PCDHGB3: variants seen among roughly 807,000 people sequenced by gnomAD.
The protein encoded by PCDHGB3 is protocadherin gamma-B3.
PCDHGB3 carries 40 observed loss-of-function variants against 59.2 expected under a neutral mutation model. The observed-to-expected ratio is 0.68, with a 90% CI of 0.52 to 0.88. The LOEUF (loss-of-function observed/expected upper bound fraction) is 0.88. PCDHGB3 is among the 40% of genes least tolerant of loss of function. PCDHGB3 has a pLI of 0.00. For missense variants in PCDHGB3, 1,309 were observed against 1,187.9 expected, an observed-to-expected ratio of 1.10 and a Z score of -1.50; for synonymous variants, 581 against 503.6, an observed-to-expected ratio of 1.15 and a Z score of -2.06.
chr5:141,432,271 C>T lies in PCDHGB3; in HGVS notation c.2415+59462C>T. On this transcript the variant is annotated intron_variant, in intron 1 of 3. Transcript: ENST00000576222. The surrounding 1 kb of genome is among the most constrained non-coding windows in gnomAD (Gnocchi z 6.0). ...TCCAAGGGGCAAGCCTATCGTCCTA[C>T]GTGTCCATCAACTCCGACACTGGGG... is the stretch of plus-strand genomic sequence containing the variant. The T allele has an allele frequency of 6.2e-7, 1 of 1,614,264 alleles. No individual in the cohort carries two copies. Among genetic ancestry groups the T allele is most frequent in the Non-Finnish European group, 8.5e-7 (1 of 1,180,050 alleles).
intron 1 of PCDHGB3, among the ~76,000 whole-genome samples, chr5:141,481,820 C>T (rs2099545799): frequency 6.6e-6 from 1 of 150,726 alleles, no homozygotes; most frequent in Non-Finnish European, 1.5e-5. Context: ...GGCGTGGTGG[C>T]TGAGGCAGGA....
chr5:141,491,119 G>A lies in PCDHGB3; in HGVS notation c.2416-3688G>A. 6.2e-7 allele frequency: 1 copy of A among 1,614,216 alleles called. No individual in the cohort carries two copies. The highest frequency in any genetic ancestry group is 1.1e-5 in the South Asian group (1 of 91,086). ...GTTCCTCGTGTCTACACACACTGGT[G>A]AGGTGCGCACAGCCCGGGCCTTACT... On this transcript the variant is annotated intron_variant, in intron 1 of 3. Transcript: ENST00000576222. The surrounding 1 kb of genome is among the most constrained non-coding windows in gnomAD (Gnocchi z 6.9).
rs1167791830 is a variant in PCDHGB3 at position 141,420,032 on chromosome 5, G to A, written c.2415+47223G>A. 6.2e-7 allele frequency: 1 copy of A among 1,613,956 alleles called. No individual in the cohort carries two copies. Among genetic ancestry groups the A allele is most frequent in the Non-Finnish European group, 8.5e-7 (1 of 1,179,920 alleles). ...ACAGTCTTTCAGCCCTACTGCAGGA[G>A]ACTGCTTTGAGTCAGTTCTCTGCTC... On this transcript the variant is annotated intron_variant, in intron 1 of 3. Coordinates refer to ENST00000576222, the MANE Select transcript of PCDHGB3 (RefSeq NM_018924.5).
intron 1 of PCDHGB3, among the ~76,000 whole-genome samples, chr5:141,402,646 G>A (rs2094289569): frequency 6.6e-6 from 1 of 152,198 alleles, no homozygotes; most frequent in South Asian, 2.1e-4. Context: ...ATCATAATTA[G>A]AAGAGAGTAG....
chr5:141,409,270 T>A (rs761773360), intron 1 of PCDHGB3: 6 of 1,613,996 alleles, frequency 3.7e-6, no homozygotes, highest in Non-Finnish European at 4.2e-6. Flanking sequence ...CTGATCAGAT[T>A]TTGGAGAATT....
intron 1 of PCDHGB3, among the ~76,000 whole-genome samples, chr5:141,457,274 C>T (rs1307741345): frequency 1.3e-5 from 2 of 152,200 alleles, no homozygotes; most frequent in Non-Finnish European, 2.9e-5. Context: ...CCTCTGTGGG[C>T]CTACGAAGTT....
At chr5:141,408,579 T>G in intron 1 of PCDHGB3, 1 of 1,614,026 alleles carries the variant, frequency 6.2e-7, no homozygotes, top group Non-Finnish European at 8.5e-7. Flanking sequence ...ATTGAGGATG[T>G]TAATGACCAC....
rs70988800 is a variant in PCDHGB3 at position 141,379,889 on chromosome 5, C to CTTTTTTTTTTTTTTTT, written c.2415+7095_2415+7110dup. 2.0e-3 allele frequency among the ~76,000 whole-genome samples: 102 copies of CTTTTTTTTTTTTTTTT among 50,818 alleles called. 16 individuals carry two copies. The highest frequency in any genetic ancestry group is 2.6e-3 in the Non-Finnish European group (66 of 25,878). The allele number at this position is 50,818 out of a possible 152,430, so 33.3% of individuals were successfully genotyped here. On this transcript the variant is annotated intron_variant, in intron 1 of 3. Transcript: ENST00000576222. Reference sequence around the variant, plus strand: ...CTTATTTTATGGTCTGTGAAAGCCTCTTTTTTTTTTTTTTTTTTTTTTTTT... The same window carrying CTTTTTTTTTTTTTTTT: ...CTTATTTTATGGTCTGTGAAAGCCTCTTTTTTTTTTTTTTTTTTTTTTTTTTTTTTTTTTTTTTTTT...
intron 1 of PCDHGB3, chr5:141,433,358 CCTAT>C (rs3074541): frequency 0.23 from 113,181 of 502,952 alleles, 11,570 homozygotes; most frequent in Non-Finnish European, 0.24. Flanking sequence ...CTACTGTCTG[CCTAT>C]CTATCTATCT....
rs767701229 is a variant in PCDHGB3, at chr5:141,405,417, T to TTTTTG, written c.2415+32623_2415+32627dup. 250 of 1,563,234 alleles carry TTTTTG rather than the reference T, an allele frequency of 1.6e-4. 1 individual carries two copies. Among genetic ancestry groups the TTTTTG allele is most frequent in the Admixed American group, 1.3e-4 (7 of 55,240 alleles). On this transcript the variant is annotated intron_variant, in intron 1 of 3. Coordinates refer to ENST00000576222, the MANE Select transcript of PCDHGB3 (RefSeq NM_018924.5). The stretch of plus-strand genomic sequence containing the variant: ...TTCTTTCTTTCTTTTCTTTTTTTGT[T>TTTTTG]TTTTGTTTTGTTTTGTTTTTGAGAC...
At position 141,510,979 on chromosome 5, in the gene PCDHGB3, G is replaced by T; in HGVS notation, c.2596G>T (p.Gly866Cys). 3.7e-6 allele frequency: 6 copies of T among 1,614,156 alleles called. No individual in the cohort carries two copies. Among genetic ancestry groups the T allele is most frequent in the Non-Finnish European group, 4.2e-6 (5 of 1,180,018 alleles). Residue 866 changes from glycine to cysteine, a missense_variant, in exon 4 of 4, where the codon GGT becomes TGT. Gly to Cys is a radical substitution (Grantham distance 159). Coordinates refer to ENST00000576222, the MANE Select transcript of PCDHGB3 (RefSeq NM_018924.5). ...TGATGGGAGCTCCACCCTGGGAGGGGGTGCCGGCACCATGGGATTGAGCGC... is the reference window on the plus strand; with the variant it reads ...TGATGGGAGCTCCACCCTGGGAGGGTGTGCCGGCACCATGGGATTGAGCGC... Reference protein sequence around the residue: ...AADGSSTLGGGAGTMGLSARY... With the variant: ...AADGSSTLGGCAGTMGLSARY...
intron 1 of PCDHGB3, chr5:141,399,606 G>A: frequency 1.2e-6 from 2 of 1,613,956 alleles, no homozygotes; most frequent in Non-Finnish European, 1.7e-6. Context: ...GCGACCTAGA[G>A]CCTCTGGCAC....
intron 1 of PCDHGB3, among the ~76,000 whole-genome samples, chr5:141,484,023 G>A (rs67828357): frequency 0.059 from 8,857 of 150,044 alleles, 313 homozygotes; most frequent in South Asian, 0.11. Context: ...GGTGGGGTGA[G>A]ATCAAGTCTC....
Position 141,376,287 on chromosome 5 carries a change from T to C in PCDHGB3, c.2415+3478T>C, listed in dbSNP as rs1160372923. 6.2e-6 allele frequency: 10 copies of C among 1,614,110 alleles called. No individual in the cohort carries two copies. In the Admixed American group the frequency reaches 6.7e-5, roughly 11 times the overall value. On this transcript the variant is annotated intron_variant, in intron 1 of 3. Transcript: ENST00000576222. ...GCTTCGGGAGGTGGCTTAGCGAGCA[T>C]GCCCGGCTCGCACTTTGTGGGCGTG...
chr5:141,380,649 A>G (rs1354203302), intron 1 of PCDHGB3, among the ~76,000 whole-genome samples: 1 of 152,230 alleles, frequency 6.6e-6, no homozygotes, highest in East Asian at 1.9e-4. Flanking sequence ...GCTAGAGACA[A>G]TGAAGCCATT....
intron 2 of PCDHGB3, among the ~76,000 whole-genome samples, chr5:141,500,194 T>G (rs994324188): frequency 2.1e-4 from 31 of 147,918 alleles, no homozygotes; most frequent in African/African-American, 7.7e-4. Context: ...TTTTATTTAT[T>G]TATTTATTTA....
chr5:141,394,048 G>A (rs1285768639), intron 1 of PCDHGB3: 5 of 1,613,504 alleles, frequency 3.1e-6, no homozygotes, highest in South Asian at 1.1e-5. Context: ...TATTTGGACC[G>A]AGAAAATGTC....
intron 1 of PCDHGB3, among the ~76,000 whole-genome samples, chr5:141,448,861 C>T (rs1017826063): frequency 2.0e-5 from 3 of 152,118 alleles, no homozygotes; most frequent in African/African-American, 7.2e-5. Flanking sequence ...AGGAGAATGG[C>T]GTGAACCTGG....
At chr5:141,380,525 A>T (rs904711647) in intron 1 of PCDHGB3, among the ~76,000 whole-genome samples, 3 of 152,206 alleles carry the variant, frequency 2.0e-5, no homozygotes, top group Non-Finnish European at 1.5e-5. Context: ...CTATGAAATG[A>T]TTTCAATTTG....
Sources: allele counts gnomAD v4.1 joint callset (sites outside exome capture counted in the v4.1 genomes callset), GRCh38; gene constraint gnomAD v4.1.1; non-coding constraint Gnocchi (gnomAD v3.1); transcripts MANE v1.5; gene names NCBI Gene and HGNC (gene_info 2026-07-23, HGNC 2026-07-21).